The following PEMT variants were observed in gnomAD, a reference collection of about 807,000 sequenced individuals.
PEMT encodes phosphatidylethanolamine N-methyltransferase, also known as phospholipid methyltransferase.
A neutral mutation model predicts 27.4 loss-of-function variants in PEMT; 23 were observed. The observed-to-expected ratio is 0.84, with a 90% CI of 0.60 to 1.19. The LOEUF is 1.19. Ranked by LOEUF, PEMT falls within the 50% of genes most tolerant of loss-of-function variation. The pLI is 0.00. For synonymous variants in PEMT, 137 were observed against 139.1 expected (o/e 0.98, Z 0.11); for missense variants, 307 against 310.1 (o/e 0.99, Z 0.07).
chr17:17,506,984 C>T (rs1454849857), intron 5 of PEMT: 17 of 635,728 alleles, frequency 2.7e-5, no homozygotes, highest in Non-Finnish European at 4.2e-5. Context: ...GCAGAGCATA[C>T]AGCAGGCCCA....
At chr17:17,552,987 C>T (rs1476857259) in intron 2 of PEMT, among the ~76,000 whole-genome samples, 1 of 152,228 alleles carries the variant, frequency 6.6e-6, no homozygotes, top group Non-Finnish European at 1.5e-5. Context: ...TGTAGAGTCC[C>T]AACCCCTCAC....
intron 2 of PEMT, among the ~76,000 whole-genome samples, chr17:17,533,709 C>T (rs1159548890): frequency 6.6e-6 from 1 of 150,730 alleles, no homozygotes; most frequent in Non-Finnish European, 1.5e-5. Flanking sequence ...ACAATCACTT[C>T]TGAAGGCAGT....
chr17:17,519,554 T>G (rs1367769421), intron 3 of PEMT, among the ~76,000 whole-genome samples: 1 of 152,046 alleles, frequency 6.6e-6, no homozygotes, highest in Non-Finnish European at 1.5e-5. Context: ...CGGCTGGAAC[T>G]GGGCTGTGGG....
intron 2 of PEMT, among the ~76,000 whole-genome samples, chr17:17,556,502 T>C (rs1910063699): frequency 6.6e-6 from 1 of 151,762 alleles, no homozygotes; most frequent in African/African-American, 2.4e-5. Flanking sequence ...GCCTCCCGAG[T>C]AGCTGGGATT....
intron 3 of PEMT, among the ~76,000 whole-genome samples, chr17:17,521,069 C>T (rs544849949): frequency 3.9e-5 from 6 of 152,368 alleles, no homozygotes; most frequent in South Asian, 2.1e-4. Flanking sequence ...GCTGGTCCGA[C>T]GGAGATGGGG....
intron 2 of PEMT, among the ~76,000 whole-genome samples, chr17:17,555,209 C>T (rs1909965413): frequency 6.6e-6 from 1 of 152,152 alleles, no homozygotes; most frequent in African/African-American, 2.4e-5. Flanking sequence ...AGCCATGGAG[C>T]TCTGCAGAGC....
At chr17:17,592,080 A>C (rs1597976301), upstream of PEMT, 2 of 985,166 alleles carry the variant, frequency 2.0e-6, no homozygotes, top group African/African-American at 3.5e-5. Context: ...GGCCCGGGTC[A>C]CACACGCCCA....
At chr17:17,548,518 T>C (rs1273091566) in intron 2 of PEMT, among the ~76,000 whole-genome samples, 3 of 152,048 alleles carry the variant, frequency 2.0e-5, no homozygotes, top group Non-Finnish European at 4.4e-5. Flanking sequence ...GCTAAATTCA[T>C]ACCAGAGTCT....
At chr17:17,558,898 G>A (rs1325868286) in intron 2 of PEMT, among the ~76,000 whole-genome samples, 1 of 152,090 alleles carries the variant, frequency 6.6e-6, no homozygotes, top group Non-Finnish European at 1.5e-5. Flanking sequence ...AGGGTCCTAA[G>A]AGAAGCACGA....
rs70959697 is a variant in PEMT, at chr17:17,523,331, C to T, written c.205-936G>A. Among the ~76,000 whole-genome samples, 1,193 of 152,336 alleles carry T rather than the reference C, an allele frequency of 7.8e-3. 3 individuals carry two copies. The highest frequency in any genetic ancestry group is 0.026 in the South Asian group (127 of 4,826). ...ACCCCAGCCCCAGCGATGACTGCTG[C>T]CTGCTCCACTTCCCAAGTGGACCTG... On this transcript the variant is annotated intron_variant, in intron 2 of 6. Coordinates refer to ENST00000255389, the MANE Select transcript of PEMT (RefSeq NM_148172.3). This position sits in a 1 kb window ranked among gnomAD's most constrained non-coding sequence, Gnocchi z 4.8.
intron 2 of PEMT, among the ~76,000 whole-genome samples, chr17:17,527,972 C>T (rs1907805225): frequency 6.6e-6 from 1 of 152,230 alleles, no homozygotes; most frequent in African/African-American, 2.4e-5. Context: ...GCCAGGACCC[C>T]CCCACCACCT....
In PEMT at chr17:17,513,809, A is replaced by T. The variant is rs539132391; in HGVS notation, c.321-1155T>A. On this transcript the variant is annotated intron_variant, in intron 3 of 6. Coordinates refer to ENST00000255389, the MANE Select transcript of PEMT (RefSeq NM_148172.3). This position sits in a 1 kb window ranked among gnomAD's most constrained non-coding sequence, Gnocchi z 4.1. ...GGTGCTAGATGAGAGGCACACTCAC[A>T]GGAAAGGCTGTGTGTGGGAGCACGG... Among the ~76,000 whole-genome samples the T allele has an allele frequency of 6.6e-6, 1 of 152,242 alleles. No individual in the cohort carries two copies. The highest frequency in any genetic ancestry group is 6.5e-5 in the Admixed American group (1 of 15,300).
At chr17:17,554,121 C>G (rs147692421) in intron 2 of PEMT, among the ~76,000 whole-genome samples, 1 of 152,242 alleles carries the variant, frequency 6.6e-6, no homozygotes, top group Admixed American at 6.5e-5. Context: ...CAACAGCAAC[C>G]CTTTCAGCAC....
intron 2 of PEMT, among the ~76,000 whole-genome samples, chr17:17,525,913 G>A (rs1214193017): frequency 6.6e-6 from 1 of 152,168 alleles, no homozygotes; most frequent in Non-Finnish European, 1.5e-5. Flanking sequence ...GGAACCGCTT[G>A]AACCCGGGAG....
chr17:17,545,886 T>C (rs758005035), intron 2 of PEMT, among the ~76,000 whole-genome samples: 9 of 152,166 alleles, frequency 5.9e-5, no homozygotes, highest in Non-Finnish European at 1.0e-4. Context: ...TTAAAATTTG[T>C]CAATTTAAAA....
chr17:17,571,305 G>A (rs1045686138), intron 2 of PEMT, among the ~76,000 whole-genome samples: 1 of 152,088 alleles, frequency 6.6e-6, no homozygotes. Flanking sequence ...GAAAAGCATC[G>A]TGGCGCACAG....
intron 2 of PEMT, among the ~76,000 whole-genome samples, chr17:17,547,620 G>T (rs749058406): frequency 6.6e-6 from 1 of 152,134 alleles, no homozygotes; most frequent in Non-Finnish European, 1.5e-5. Context: ...GGCTCCCCCA[G>T]CCCTGCCTGT....
intron 1 of PEMT, among the ~76,000 whole-genome samples, chr17:17,579,527 A>T (rs1911851256): frequency 1.3e-5 from 2 of 151,990 alleles, no homozygotes; most frequent in South Asian, 4.2e-4. Context: ...AAAACACAAA[A>T]ATTAGCTGGG....
intron 2 of PEMT, among the ~76,000 whole-genome samples, chr17:17,562,952 T>C (rs1160241881): frequency 6.7e-6 from 1 of 148,378 alleles, no homozygotes; most frequent in Admixed American, 6.6e-5. Flanking sequence ...GGAACCTGCA[T>C]GCAGCCATCC....
Sources: gnomAD v4.1 joint callset for allele counts (sites outside exome capture counted in the v4.1 genomes callset) on GRCh38, gnomAD v4.1.1 for gene constraint, Gnocchi (gnomAD v3.1) non-coding constraint, MANE v1.5 for transcripts, NCBI Gene and HGNC (gene_info 2026-07-23, HGNC 2026-07-21) for gene names.